Variants in TENM4 observed in about 807,000 individuals in gnomAD.
TENM4 encodes teneurin-4.
In TENM4, 82 loss-of-function variants were observed where a neutral mutation model predicts 243.3. The observed-to-expected ratio is 0.34, with a 90% CI of 0.28 to 0.40. The LOEUF (loss-of-function observed/expected upper bound fraction) is 0.40. Ranked by LOEUF, TENM4 falls within the 10% of genes least tolerant of loss-of-function variation. TENM4 has a pLI of 1.00. For missense variants in TENM4, 3,138 were observed against 3,673.3 expected (o/e 0.85, Z 3.77); for synonymous variants, 1,412 against 1,456.3 (o/e 0.97, Z 0.69).
intron 3 of TENM4, among the ~76,000 whole-genome samples, chr11:79,209,556 G>A (rs1390732079): frequency 6.6e-6 from 1 of 152,232 alleles, no homozygotes; most frequent in Non-Finnish European, 1.5e-5. Flanking sequence ...CTAACACTGG[G>A]TGCTGGAAGA....
rs1000715179 is a variant in TENM4 at position 79,092,436 on chromosome 11, C to T, written c.-65-22427G>A. On this transcript the variant is annotated intron_variant, in intron 4 of 33. Coordinates refer to ENST00000278550, the MANE Select transcript of TENM4 (RefSeq NM_001098816.3). ...CCTCCTGACTCCTAGGCCAAGTTCT[C>T]GGGAGACTGCGTCATTCGCATGGAC... is the stretch of plus-strand genomic sequence containing the variant. 2.7e-4 allele frequency among the ~76,000 whole-genome samples: 41 copies of T among 152,200 alleles called. 1 individual carries two copies. The highest frequency in any genetic ancestry group is 7.3e-5 in the Non-Finnish European group (5 of 68,042).
intron 17 of TENM4, among the ~76,000 whole-genome samples, chr11:78,777,857 A>T (rs1163244743): frequency 6.6e-6 from 1 of 152,294 alleles, no homozygotes; most frequent in African/African-American, 2.4e-5. Context: ...GAGCACACAT[A>T]TCTGATTATT....
intron 12 of TENM4, among the ~76,000 whole-genome samples, chr11:78,822,357 T>C (rs1857751772): frequency 6.6e-6 from 1 of 152,218 alleles, no homozygotes; most frequent in Non-Finnish European, 1.5e-5. Context: ...TCAGTAAATA[T>C]TTACTAAGAA....
At chr11:79,177,342 C>A (rs1267111501) in intron 3 of TENM4, among the ~76,000 whole-genome samples, 1 of 151,828 alleles carries the variant, frequency 6.6e-6, no homozygotes, top group Non-Finnish European at 1.5e-5. Context: ...TTCTCCTTTC[C>A]TCTCCCTTCC....
intron 2 of TENM4, among the ~76,000 whole-genome samples, chr11:79,253,717 TTAAG>T (rs1855653059): frequency 6.6e-6 from 1 of 152,162 alleles, no homozygotes; most frequent in African/African-American, 2.4e-5. Context: ...GTTTCCCTGT[TTAAG>T]TAAGAGAGGA....
At chr11:78,877,737 G>T (rs952397476) in intron 9 of TENM4, among the ~76,000 whole-genome samples, 4 of 152,018 alleles carry the variant, frequency 2.6e-5, no homozygotes, top group African/African-American at 9.7e-5. Context: ...AGTAAATGTG[G>T]GTCCCTTCTT....
intron 4 of TENM4, among the ~76,000 whole-genome samples, chr11:79,115,915 C>A (rs776890639): frequency 3.9e-5 from 6 of 152,200 alleles, no homozygotes; most frequent in Non-Finnish European, 7.3e-5. Flanking sequence ...GGTTTCTCTA[C>A]TCTGATGAGG....
chr11:79,167,923 G>A (rs1346033799), intron 3 of TENM4, among the ~76,000 whole-genome samples: 1 of 152,250 alleles, frequency 6.6e-6, no homozygotes, highest in Non-Finnish European at 1.5e-5. Flanking sequence ...AGCAGGCACA[G>A]CCTGACTCTG....
intron 6 of TENM4, among the ~76,000 whole-genome samples, chr11:79,036,705 T>C (rs906901497): frequency 6.6e-6 from 1 of 152,006 alleles, no homozygotes; most frequent in Admixed American, 6.6e-5. Context: ...TGGAGATGGG[T>C]GAGTCAGAGA....
intron 2 of TENM4, among the ~76,000 whole-genome samples, chr11:79,279,151 T>TAA (rs1658119863): frequency 6.6e-6 from 1 of 152,196 alleles, no homozygotes; most frequent in Admixed American, 6.5e-5. Flanking sequence ...TAGGGACTCC[T>TAA]TGGCTGAGCA....
intron 6 of TENM4, among the ~76,000 whole-genome samples, chr11:78,984,267 C>A (rs1407814169): frequency 6.6e-6 from 1 of 152,146 alleles, no homozygotes; most frequent in Non-Finnish European, 1.5e-5. Flanking sequence ...CTTAGAGTAT[C>A]CTAAATGAAG....
intron 1 of TENM4, among the ~76,000 whole-genome samples, chr11:79,353,552 T>C (rs1486103938): frequency 6.6e-6 from 1 of 152,120 alleles, no homozygotes; most frequent in Non-Finnish European, 1.5e-5. Context: ...ATCCTAGAAG[T>C]GTGACGATCT....
intron 4 of TENM4, among the ~76,000 whole-genome samples, chr11:79,145,239 A>G (rs1862375372): frequency 6.6e-6 from 1 of 152,080 alleles, no homozygotes; most frequent in South Asian, 2.1e-4. Flanking sequence ...ATAAACTTTT[A>G]TTGAAGTATG....
rs562467594 is a variant in TENM4, at chr11:78,792,951, C to T, written c.2180-5868G>A. Among the ~76,000 whole-genome samples, 114 of 152,216 alleles carry T rather than the reference C, an allele frequency of 7.5e-4. 1 individual carries two copies. Among genetic ancestry groups the T allele is most frequent in the African/African-American group, 2.7e-3 (112 of 41,522 alleles). ...TATGATGTGGAAGGGGGTGAACACA[C>T]GAGGAAGAGGCGAAAGAGCAGGGAA... On this transcript the variant is annotated intron_variant, in intron 15 of 33. Coordinates refer to ENST00000278550, the MANE Select transcript of TENM4 (RefSeq NM_001098816.3).
chr11:78,708,587 GCTAA>G (rs761579017), intron 26 of TENM4, 72 bp from the exon 27 acceptor site: 298 of 1,534,462 alleles, frequency 1.9e-4, no homozygotes, highest in Non-Finnish European at 2.2e-4. Context: ...CTGGAGCCTT[GCTAA>G]CTGACAGAGC....
intron 7 of TENM4, among the ~76,000 whole-genome samples, chr11:78,898,796 T>C (rs1855852620): frequency 6.6e-6 from 1 of 152,316 alleles, no homozygotes; most frequent in African/African-American, 2.4e-5. Flanking sequence ...TTTCCTGTAC[T>C]TTTCTCTATC....
intron 18 of TENM4, among the ~76,000 whole-genome samples, chr11:78,758,001 A>G (rs1267105163): frequency 1.3e-5 from 2 of 152,240 alleles, no homozygotes; most frequent in African/African-American, 4.8e-5. Flanking sequence ...TTTTGGCCTC[A>G]TTATATCAAA....
At chr11:79,088,605 A>C (rs1340167064) in intron 4 of TENM4, among the ~76,000 whole-genome samples, 1 of 152,134 alleles carries the variant, frequency 6.6e-6, no homozygotes, top group Non-Finnish European at 1.5e-5. Flanking sequence ...AGTTAGAAGG[A>C]GCTTAGAACA....
At chr11:79,118,536 C>T (rs916319566) in intron 4 of TENM4, among the ~76,000 whole-genome samples, 38 of 152,232 alleles carry the variant, frequency 2.5e-4, no homozygotes, top group African/African-American at 9.2e-4. Context: ...ACTCCATACC[C>T]ATTAGACAAT....
Sources: allele counts gnomAD v4.1 joint callset (sites outside exome capture counted in the v4.1 genomes callset), GRCh38; gene constraint gnomAD v4.1.1; transcripts MANE v1.5; gene names NCBI Gene and HGNC (gene_info 2026-07-23, HGNC 2026-07-21).